Variants in HS3ST1 observed in about 807,000 individuals in gnomAD.
HS3ST1 encodes heparan sulfate glucosamine 3-O-sulfotransferase 1.
A neutral mutation model predicts 20.7 loss-of-function variants in HS3ST1; 8 were observed. The ratio of observed to expected loss-of-function variants is 0.39; its 90% CI spans 0.23 to 0.70. HS3ST1 has a LOEUF of 0.70. Among genes scored for constraint, HS3ST1 ranks in the 30% least tolerant of loss-of-function variants. HS3ST1 has a pLI of 0.46. For missense variants in HS3ST1, 436 were observed against 423.4 expected, an observed-to-expected ratio of 1.03 and a Z score of -0.26; for synonymous variants, 205 against 190.4, an observed-to-expected ratio of 1.08 and a Z score of -0.63.
At chr4:11,431,768 TGTATCTAAG>T (rs1719211423), upstream of HS3ST1, among the ~76,000 whole-genome samples, 1 of 152,202 alleles carries the variant, frequency 6.6e-6, no homozygotes, top group Non-Finnish European at 1.5e-5. Flanking sequence ...CCAGCTAAAG[TGTATCTAAG>T]GCTTATAGTG....
chr4:11,416,348 C>T (rs535337674), intron 1 of HS3ST1, among the ~76,000 whole-genome samples: 15 of 152,244 alleles, frequency 9.9e-5, no homozygotes, highest in East Asian at 7.7e-4. Flanking sequence ...GGACTAGGCA[C>T]GAGAGGTGTG....
intron 1 of HS3ST1, among the ~76,000 whole-genome samples, chr4:11,412,672 A>T (rs1718668576): frequency 6.6e-6 from 1 of 152,178 alleles, no homozygotes; most frequent in Admixed American, 6.5e-5. Context: ...GATTCCACTC[A>T]GATCATACTT....
At chr4:11,420,100 T>C (rs745680508) in intron 1 of HS3ST1, among the ~76,000 whole-genome samples, 1 of 152,230 alleles carries the variant, frequency 6.6e-6, no homozygotes, top group African/African-American at 2.4e-5. Flanking sequence ...CCATATTTCA[T>C]GTAAACACCC....
intron 1 of HS3ST1, among the ~76,000 whole-genome samples, chr4:11,424,443 T>C (rs1719014088): frequency 6.6e-6 from 1 of 152,178 alleles, no homozygotes; most frequent in Non-Finnish European, 1.5e-5. Context: ...AAGCTAAGGA[T>C]GTTTCATGCT....
At chr4:11,422,917 G>A (rs2108890473) in intron 1 of HS3ST1, among the ~76,000 whole-genome samples, 1 of 151,096 alleles carries the variant, frequency 6.6e-6, no homozygotes, top group Admixed American at 6.6e-5. Flanking sequence ...AAGGTGCTCA[G>A]GAGGCTGAGA....
At chr4:11,404,262 C>G (rs1269668546) in intron 1 of HS3ST1, among the ~76,000 whole-genome samples, 1 of 152,168 alleles carries the variant, frequency 6.6e-6, no homozygotes, top group East Asian at 1.9e-4. Flanking sequence ...GTTGGTCAGA[C>G]TGGTCTCGAA....
intron 1 of HS3ST1, among the ~76,000 whole-genome samples, chr4:11,409,829 C>G (rs1465681462): frequency 6.6e-6 from 1 of 152,146 alleles, no homozygotes; most frequent in Non-Finnish European, 1.5e-5. Flanking sequence ...ATGTATGAAG[C>G]CAGCTGGCTG....
At position 11,398,789 on chromosome 4, in the gene HS3ST1, G is replaced by T; in HGVS notation, c.*293C>A. 4.4e-6 allele frequency: 1 copy of T among 228,674 alleles called. No individual in the cohort carries two copies. The allele number at this position is 228,674 out of a possible 1,614,324, so 14.2% of individuals were successfully genotyped here. A position where few individuals can be genotyped will look rare whatever the true frequency, so the allele number is the denominator to read the frequency against. Reference sequence around the variant, plus strand: ...AGTTAATTATATTCAAAAAAACATAGCGTCTCCAGAAAAAATCTTTTTTTT... The same window carrying T: ...AGTTAATTATATTCAAAAAAACATATCGTCTCCAGAAAAAATCTTTTTTTT... On this transcript the variant is annotated 3_prime_UTR_variant, in exon 2 of 2. Transcript: ENST00000002596.
intron 1 of HS3ST1, among the ~76,000 whole-genome samples, chr4:11,426,074 C>T (rs1338845205): frequency 6.6e-6 from 1 of 152,120 alleles, no homozygotes. Context: ...TAGATGCAGG[C>T]CCGGAAACCT....
chr4:11,419,623 C>T (rs1311141193), intron 1 of HS3ST1, among the ~76,000 whole-genome samples: 1 of 151,866 alleles, frequency 6.6e-6, no homozygotes, highest in African/African-American at 2.4e-5. Context: ...GCACTTGTAT[C>T]CTGGAACTTA....
intron 1 of HS3ST1, among the ~76,000 whole-genome samples, chr4:11,405,326 C>G (rs1018838079): frequency 6.6e-6 from 1 of 152,190 alleles, no homozygotes; most frequent in African/African-American, 2.4e-5. Flanking sequence ...CTATCAGCAA[C>G]AGTAAGCTTC....
intron 1 of HS3ST1, among the ~76,000 whole-genome samples, chr4:11,404,548 A>T (rs1455740788): frequency 6.6e-6 from 1 of 152,142 alleles, no homozygotes; most frequent in Non-Finnish European, 1.5e-5. Context: ...TGTGGAACAC[A>T]CTCTCCTGAA....
chr4:11,422,895 T>G (rs974363027), intron 1 of HS3ST1, among the ~76,000 whole-genome samples: 13 of 151,352 alleles, frequency 8.6e-5, no homozygotes, highest in African/African-American at 3.2e-4. Context: ...ACAAAACAAA[T>G]GATCAAGTTA....
At chr4:11,405,513 G>A (rs1414832369) in intron 1 of HS3ST1, among the ~76,000 whole-genome samples, 1 of 152,090 alleles carries the variant, frequency 6.6e-6, no homozygotes. Flanking sequence ...GTCCCCTCGG[G>A]CCTGGCATGA....
At position 11,397,773 on chromosome 4, in the gene HS3ST1, C is replaced by A. The variant is rs528179082; in HGVS notation, c.*1309G>T. 9 of 152,244 alleles carry A rather than the reference C, an allele frequency of 5.9e-5. No homozygotes were observed. The highest frequency in any genetic ancestry group is 1.7e-4 in the African/African-American group (7 of 41,542). The allele number at this position is 152,244 out of a possible 1,614,324, so 9.4% of individuals were successfully genotyped here. On this transcript the variant is annotated 3_prime_UTR_variant, in exon 2 of 2. Coordinates refer to ENST00000002596, the MANE Select transcript of HS3ST1 (RefSeq NM_005114.4). ...AACGTCCATTTCTGTCATTTTCCTG[C>A]GGTATAAACCATGTCAGGAAGCCGG... is the stretch of plus-strand genomic sequence containing the variant.
At chr4:11,424,859 A>AT in intron 1 of HS3ST1, among the ~76,000 whole-genome samples, 1 of 24,984 alleles carries the variant, frequency 4.0e-5, no homozygotes, top group African/African-American at 1.2e-4. Flanking sequence ...CCCATCTCCC[A>AT]CAAAAAAAAA....
intron 1 of HS3ST1, among the ~76,000 whole-genome samples, chr4:11,402,830 G>A (rs1718360786): frequency 6.6e-6 from 1 of 152,210 alleles, no homozygotes; most frequent in African/African-American, 2.4e-5. Context: ...TTAGTGTAGT[G>A]TACATCTGAG....
intron 1 of HS3ST1, among the ~76,000 whole-genome samples, chr4:11,425,573 A>T (rs1719039328): frequency 6.6e-6 from 1 of 152,228 alleles, no homozygotes; most frequent in African/African-American, 2.4e-5. Flanking sequence ...GCCAATTAAA[A>T]GAAATCTCTC....
At chr4:11,423,049 A>AAAAAAAAT in intron 1 of HS3ST1, among the ~76,000 whole-genome samples, 1 of 149,488 alleles carries the variant, frequency 6.7e-6, no homozygotes, top group Non-Finnish European at 1.5e-5. Flanking sequence ...AAAAAAAAAA[A>AAAAAAAAT]GTGCTGAACG....
Sources: gnomAD v4.1 joint callset for allele counts (sites outside exome capture counted in the v4.1 genomes callset) on GRCh38, gnomAD v4.1.1 for gene constraint, MANE v1.5 for transcripts, NCBI Gene and HGNC (gene_info 2026-07-23, HGNC 2026-07-21) for gene names.